Variants in SYT16 observed in about 807,000 individuals in gnomAD.
SYT16 encodes the protein synaptotagmin 16, also known as synaptotagmin-16.
A neutral mutation model predicts 61.4 loss-of-function variants in SYT16; 42 were observed. The observed-to-expected ratio is 0.68, with a 90% CI of 0.53 to 0.89. The LOEUF (loss-of-function observed/expected upper bound fraction) is 0.89. SYT16 is among the 40% of genes least tolerant of loss of function. SYT16 has a pLI of 0.00. For missense variants in SYT16, 804 were observed against 807.3 expected, an observed-to-expected ratio of 1.00 and a Z score of 0.05; for synonymous variants, 314 against 302.3, an observed-to-expected ratio of 1.04 and a Z score of -0.40.
intron 7 of SYT16, among the ~76,000 whole-genome samples, chr14:62,085,047 A>G (rs957596469): frequency 6.6e-6 from 1 of 152,142 alleles, no homozygotes; most frequent in African/African-American, 2.4e-5. Context: ...CACTTTTGAG[A>G]TTGTCACTGG....
intron 1 of SYT16, among the ~76,000 whole-genome samples, chr14:61,895,609 G>T (rs796094973): frequency 6.6e-6 from 1 of 152,144 alleles, no homozygotes; most frequent in African/African-American, 2.4e-5. Flanking sequence ...AATATTAGCT[G>T]TATTTTACTA....
chr14:62,041,912 C>G (rs901233767), intron 3 of SYT16, among the ~76,000 whole-genome samples: 1 of 152,052 alleles, frequency 6.6e-6, no homozygotes, highest in African/African-American at 2.4e-5. Context: ...TCTGCATTGC[C>G]CAAATCTGCC....
intron 5 of SYT16, among the ~76,000 whole-genome samples, chr14:62,078,767 G>A (rs937352483): frequency 3.9e-5 from 6 of 152,210 alleles, no homozygotes; most frequent in South Asian, 4.1e-4. Flanking sequence ...GTCAAGCAGG[G>A]TTCTGCAGCT....
chr14:61,922,575 A>T (rs1044808018), intron 1 of SYT16, among the ~76,000 whole-genome samples: 3 of 152,174 alleles, frequency 2.0e-5, no homozygotes, highest in South Asian at 2.1e-4. Context: ...AAAAATAACT[A>T]TTGGGTACTA....
At chr14:61,992,199 A>T (rs1442308279) in intron 2 of SYT16, among the ~76,000 whole-genome samples, 20 of 152,168 alleles carry the variant, frequency 1.3e-4, no homozygotes, top group Admixed American at 8.5e-4. Context: ...AGGAAGCAAT[A>T]AACATTTCCT....
intron 4 of SYT16, among the ~76,000 whole-genome samples, chr14:62,072,259 G>A (rs1295031717): frequency 6.6e-6 from 1 of 152,144 alleles, no homozygotes; most frequent in Non-Finnish European, 1.5e-5. Context: ...TCCAGAATGT[G>A]TACTTAGTTT....
At chr14:62,076,555 G>A (rs1298308123) in intron 5 of SYT16, among the ~76,000 whole-genome samples, 3 of 152,090 alleles carry the variant, frequency 2.0e-5, no homozygotes, top group Non-Finnish European at 4.4e-5. Context: ...CTGTGCCCCT[G>A]TGTAGATGTC....
chr14:61,999,721 C>T (rs1355378215), intron 3 of SYT16, among the ~76,000 whole-genome samples: 1 of 151,686 alleles, frequency 6.6e-6, no homozygotes, highest in African/African-American at 2.4e-5. Context: ...AATGCTTTAG[C>T]TGTATCTAAT....
At position 62,084,308 on chromosome 14, in the gene SYT16, A is replaced by G. The variant is rs1353860409; in HGVS notation, c.1547A>G (p.Asn516Ser). The part of the protein sequence containing the change: ...APELLVGLSY[N>S]ATTGRLSVEM... ...GAGCTGTTGGTGGGGCTCTCGTACA[A>G]TGCCACAACGGGGCGATTATCTGTG... The change falls in exon 7 of 8, where the codon AAT becomes AGT. Residue 516 changes from asparagine (N) to serine (S), a missense_variant. Coordinates refer to ENST00000683842, the MANE Select transcript of SYT16 (RefSeq NM_001367656.1). The G allele has an allele frequency of 2.5e-6, 4 of 1,613,336 alleles. No homozygotes were observed. Among genetic ancestry groups the G allele is most frequent in the Non-Finnish European group, 3.4e-6 (4 of 1,179,774 alleles).
intron 2 of SYT16, among the ~76,000 whole-genome samples, chr14:61,987,814 A>G (rs1056013721): frequency 2.6e-5 from 4 of 152,028 alleles, no homozygotes; most frequent in South Asian, 4.2e-4. Flanking sequence ...AAACTTTAAC[A>G]AACACTGAAT....
rs543438645 is a variant in SYT16 at position 61,988,836 on chromosome 14, T to C, written c.-144-7040T>C. On this transcript the variant is annotated intron_variant, in intron 2 of 7. Coordinates refer to ENST00000683842, the MANE Select transcript of SYT16 (RefSeq NM_001367656.1). The stretch of plus-strand genomic sequence containing the variant: ...CCACACTTGTCACTTACTAGGAAAA[T>C]CACTTTACCTTTTTTTATTTCTAGT... Among the ~76,000 whole-genome samples the C allele has an allele frequency of 2.0e-5, 3 of 152,216 alleles. No homozygotes were observed. The South Asian group carries it at 6.2e-4, about 32-fold the overall frequency.
chr14:61,967,282 G>C (rs1024303378), intron 1 of SYT16, among the ~76,000 whole-genome samples: 2 of 152,156 alleles, frequency 1.3e-5, no homozygotes, highest in African/African-American at 4.8e-5. Flanking sequence ...GGTCATGAAG[G>C]GCCTTGTAAC....
chr14:62,109,235 C>T lies in SYT16; in HGVS notation c.*8528C>T, dbSNP rs939132234. ...CATCCACTGGTCCTTGTACTGTCCC[C>T]AGAGTTTTGCCTTTTCCAGAATGTC... On this transcript the variant is annotated 3_prime_UTR_variant, in exon 8 of 8. Transcript: ENST00000683842. 4 of 151,922 alleles carry T rather than the reference C, an allele frequency of 2.6e-5. No individual in the cohort carries two copies. Among genetic ancestry groups the T allele is most frequent in the Non-Finnish European group, 5.9e-5 (4 of 68,006 alleles). 9.4% of individuals were successfully genotyped at this position (151,922 alleles called of 1,614,324 possible).
In SYT16 at chr14:62,089,048, T is replaced by A. The variant is rs929304107; in HGVS notation, c.1624+4663T>A. Among the ~76,000 whole-genome samples the A allele has an allele frequency of 3.9e-5, 6 of 152,076 alleles. No individual in the cohort carries two copies. The East Asian group carries it at 1.2e-3, about 29-fold the overall frequency. The stretch of plus-strand genomic sequence containing the variant: ...AAGATGGGGTACTGGCTGGGCTTGG[T>A]GGCTCATGCCTGTAATCCCAGCACT... On this transcript the variant is annotated intron_variant, in intron 7 of 7. Transcript: ENST00000683842.
At chr14:61,869,407 T>C (rs1015624705) in intron 1 of SYT16, among the ~76,000 whole-genome samples, 4 of 152,142 alleles carry the variant, frequency 2.6e-5, no homozygotes, top group African/African-American at 9.6e-5. Flanking sequence ...TTTGGCTTAT[T>C]AGCTCTATCT....
At chr14:62,069,994 G>A (rs570609014) in intron 4 of SYT16, among the ~76,000 whole-genome samples, 179 bp downstream of exon 4, 1 of 152,330 alleles carries the variant, frequency 6.6e-6, no homozygotes, top group East Asian at 1.9e-4. Flanking sequence ...CTGCCATGCA[G>A]GAGGTTGAGA....
chr14:62,056,487 GC>G (rs1246639426), intron 3 of SYT16, among the ~76,000 whole-genome samples: 8 of 152,208 alleles, frequency 5.3e-5, no homozygotes, highest in African/African-American at 1.9e-4. Flanking sequence ...AAAGTCTGGT[GC>G]TATAAAACTC....
At chr14:62,016,378 A>C (rs1021178305) in intron 3 of SYT16, among the ~76,000 whole-genome samples, 1 of 152,076 alleles carries the variant, frequency 6.6e-6, no homozygotes, top group Admixed American at 6.6e-5. Context: ...CTTTGAAATA[A>C]TTCAAGTACA....
intron 7 of SYT16, among the ~76,000 whole-genome samples, chr14:62,094,545 A>G (rs568338650): frequency 4.9e-4 from 74 of 152,208 alleles, no homozygotes; most frequent in South Asian, 2.9e-3. Flanking sequence ...TCGCTGTTAT[A>G]TCCTCTGATA....
Sources: gnomAD v4.1 joint callset for allele counts (sites outside exome capture counted in the v4.1 genomes callset) on GRCh38, gnomAD v4.1.1 for gene constraint, MANE v1.5 for transcripts, NCBI Gene and HGNC (gene_info 2026-07-23, HGNC 2026-07-21) for gene names.